BAZ1A: variants seen among roughly 807,000 people sequenced by gnomAD.
The protein encoded by BAZ1A is bromodomain adjacent to zinc finger domain protein 1A.
A neutral mutation model predicts 185.2 loss-of-function variants in BAZ1A; 50 were observed. That is an observed-to-expected ratio of 0.27 (90% CI 0.22 to 0.34). The LOEUF is 0.34. BAZ1A is among the 10% of genes least tolerant of loss of function. The probability of loss-of-function intolerance (pLI) is 1.00; values close to 1 mark genes in which losing one functional copy is unlikely to be tolerated. For missense variants in BAZ1A, 1,356 were observed against 1,839.9 expected, an observed-to-expected ratio of 0.74 and a Z score of 4.81; for synonymous variants, 571 against 615.6, an observed-to-expected ratio of 0.93 and a Z score of 1.07.
chr14:34,801,450 C>G (rs1566570006), intron 7 of BAZ1A, among the ~76,000 whole-genome samples: 1 of 112,970 alleles, frequency 8.9e-6, no homozygotes, highest in African/African-American at 3.1e-5. Context: ...TGCCACCACA[C>G]CTGGCTAATT....
intron 23 of BAZ1A, among the ~76,000 whole-genome samples, chr14:34,764,180 C>CA (rs1256376634): frequency 6.6e-6 from 1 of 152,018 alleles, no homozygotes; most frequent in Admixed American, 6.6e-5. Flanking sequence ...CACTCTCTCT[C>CA]AGATTCCCCA....
At chr14:34,815,173 TG>T (rs2138687135) in intron 4 of BAZ1A, among the ~76,000 whole-genome samples, 1 of 152,352 alleles carries the variant, frequency 6.6e-6, no homozygotes, top group African/African-American at 2.4e-5. Context: ...GAAATTCATT[TG>T]TGAAGATAAA....
chr14:34,870,351 A>T (rs927290272), intron 2 of BAZ1A, among the ~76,000 whole-genome samples: 6 of 152,332 alleles, frequency 3.9e-5, no homozygotes, highest in Middle Eastern at 3.4e-3. Context: ...GGAGCTAAAC[A>T]TCTCATTTAA....
At chr14:34,777,820 A>C (rs956308060) in intron 17 of BAZ1A, among the ~76,000 whole-genome samples, 3 of 151,726 alleles carry the variant, frequency 2.0e-5, no homozygotes, top group African/African-American at 7.3e-5. Context: ...GGCAAAACCC[A>C]TCATTACTAA....
Position 34,874,466 on chromosome 14 carries a change from G to T in BAZ1A, c.113+26C>A. ...CGGGGGGAGTCCCCACACCCCCCGC[G>T]GCCCCGCACACGGCCCGGCTCTTAC... On this transcript the variant is annotated intron_variant, in intron 2 of 26. Transcript: ENST00000360310. This position sits in a 1 kb window ranked among gnomAD's most constrained non-coding sequence, Gnocchi z 4.7. The T allele has an allele frequency of 6.3e-7, 1 of 1,591,506 alleles. No homozygotes were observed. Among genetic ancestry groups the T allele is most frequent in the Non-Finnish European group, 8.6e-7 (1 of 1,160,842 alleles).
At chr14:34,783,489 C>A (rs113947355) in intron 15 of BAZ1A, among the ~76,000 whole-genome samples, 1 of 151,462 alleles carries the variant, frequency 6.6e-6, no homozygotes, top group South Asian at 2.1e-4. Flanking sequence ...GCATGCACCA[C>A]CACGCCCGGT....
At chr14:34,857,108 A>G (rs1244664808) in intron 3 of BAZ1A, among the ~76,000 whole-genome samples, 2 of 148,440 alleles carry the variant, frequency 1.3e-5, no homozygotes, top group African/African-American at 2.5e-5. Context: ...CCAGGTTCAC[A>G]TCATTCTCCT....
Position 34,863,527 on chromosome 14 carries a change from C to T in BAZ1A, c.114-1205G>A, listed in dbSNP as rs958221927. 6.6e-5 allele frequency among the ~76,000 whole-genome samples: 10 copies of T among 151,484 alleles called. No individual in the cohort carries two copies. The East Asian group carries it at 7.8e-4, about 12-fold the overall frequency. On this transcript the variant is annotated intron_variant, in intron 2 of 26. Coordinates refer to ENST00000360310, the MANE Select transcript of BAZ1A (RefSeq NM_013448.3). ...TTCCTCATGTTGGCCAGGCTGGTCT[C>T]GAACTCTTGACCTTGTGATCCACCT...
At chr14:34,805,883 C>CTT (rs748874302) in intron 6 of BAZ1A, among the ~76,000 whole-genome samples, 7 of 139,370 alleles carry the variant, frequency 5.0e-5, no homozygotes, top group African/African-American at 1.0e-4. Context: ...CTACACATGA[C>CTT]TTTTTTTTTT....
At chr14:34,798,187 C>G (rs1881310739) in intron 9 of BAZ1A, among the ~76,000 whole-genome samples, 1 of 152,244 alleles carries the variant, frequency 6.6e-6, no homozygotes, top group Non-Finnish European at 1.5e-5. Context: ...AACAAAGCTG[C>G]TGGGAAAGCT....
At chr14:34,868,103 G>C (rs1427737722) in intron 2 of BAZ1A, among the ~76,000 whole-genome samples, 2 of 152,142 alleles carry the variant, frequency 1.3e-5, no homozygotes, top group African/African-American at 4.8e-5. Flanking sequence ...CTAAAGGTGG[G>C]CATCCTACTG....
At chr14:34,834,357 G>GA (rs2042296324) in intron 3 of BAZ1A, among the ~76,000 whole-genome samples, 2 of 152,274 alleles carry the variant, frequency 1.3e-5, no homozygotes, top group South Asian at 4.1e-4. Context: ...CAGGGTAAAT[G>GA]AGTCTACTCT....
At chr14:34,757,365 CA>C (rs760606242) in intron 25 of BAZ1A, among the ~76,000 whole-genome samples, 43,261 of 108,514 alleles carry the variant, frequency 0.4, 8,730 homozygotes, top group East Asian at 0.67. Context: ...GACTCCATCT[CA>C]AAAAAAAAAA....
At chr14:34,814,569 AGTGATCCTCCTATCTCAATCTCCCGG>A (rs1259140231) in intron 4 of BAZ1A, among the ~76,000 whole-genome samples, 1 of 151,964 alleles carries the variant, frequency 6.6e-6, no homozygotes, top group African/African-American at 2.4e-5. Context: ...CCCAGGCTCA[AGTGATCCTCCTATCTCAATCTCCCGG>A]GTAGCTGGGT....
At chr14:34,816,079 C>CA in intron 4 of BAZ1A, among the ~76,000 whole-genome samples, 1 of 107,322 alleles carries the variant, frequency 9.3e-6, no homozygotes, top group Non-Finnish European at 1.9e-5. Flanking sequence ...TTATTCCAGA[C>CA]CTTTTTTTTT....
chr14:34,760,867 A>G (rs1251223590), intron 24 of BAZ1A, among the ~76,000 whole-genome samples: 1 of 152,100 alleles, frequency 6.6e-6, no homozygotes, highest in Non-Finnish European at 1.5e-5. Flanking sequence ...AAATTAAAAA[A>G]TCAAAATTTT....
chr14:34,817,996 C>T (rs542271559), intron 4 of BAZ1A, among the ~76,000 whole-genome samples: 39 of 152,220 alleles, frequency 2.6e-4, no homozygotes, highest in African/African-American at 9.1e-4. Flanking sequence ...GGCATATACC[C>T]GCATGAATTT....
chr14:34,772,870 A>G (rs1306384282), intron 20 of BAZ1A, among the ~76,000 whole-genome samples: 1 of 152,208 alleles, frequency 6.6e-6, no homozygotes. Context: ...TCTACTAAAA[A>G]TACAAAAATT....
At chr14:34,843,981 G>A (rs1396420636) in intron 3 of BAZ1A, among the ~76,000 whole-genome samples, 4 of 151,848 alleles carry the variant, frequency 2.6e-5, no homozygotes, top group South Asian at 2.1e-4. Flanking sequence ...CGAGGCGGGC[G>A]GATCACGAGG....
Sources: allele counts gnomAD v4.1 joint callset (sites outside exome capture counted in the v4.1 genomes callset), GRCh38; gene constraint gnomAD v4.1.1; non-coding constraint Gnocchi (gnomAD v3.1); transcripts MANE v1.5; gene names NCBI Gene and HGNC (gene_info 2026-07-23, HGNC 2026-07-21).